The following IRF2 variants were observed in gnomAD, a reference collection of about 807,000 sequenced individuals.
IRF2 encodes interferon regulatory factor 2.
IRF2 carries 15 observed loss-of-function variants against 40.6 expected under a neutral mutation model. The observed-to-expected ratio is 0.37, with a 90% CI of 0.25 to 0.57. The LOEUF is 0.57. Among genes scored for constraint, IRF2 ranks in the 20% least tolerant of loss-of-function variants. The pLI is 0.77. For synonymous variants in IRF2, 151 were observed against 165.5 expected (o/e 0.91, Z 0.67); for missense variants, 317 against 455.7 (o/e 0.70, Z 2.77).
At chr4:184,418,091 T>C in intron 5 of IRF2, 76 bp downstream of exon 5, 2 of 1,089,834 alleles carry the variant, frequency 1.8e-6, no homozygotes, top group Non-Finnish European at 2.8e-6. Flanking sequence ...GTCCTGTGAC[T>C]CATCTTTACA....
Position 184,388,134 on chromosome 4 carries a change from G to A in IRF2, c.*624C>T, listed in dbSNP as rs1327437241. On this transcript the variant is annotated 3_prime_UTR_variant, in exon 9 of 9. Transcript: ENST00000393593. The surrounding 1 kb of genome is among the most constrained non-coding windows in gnomAD (Gnocchi z 4.6). ...GCAGTCTGAAAATGGGACATCTGTA[G>A]AGAAATTCATTTCCTTCTTCTCCTC... 2 of 152,324 alleles carry A rather than the reference G, an allele frequency of 1.3e-5. No homozygotes were observed. Among genetic ancestry groups the A allele is most frequent in the Non-Finnish European group, 2.9e-5 (2 of 67,974 alleles). 9.4% of individuals were successfully genotyped at this position (152,324 alleles called of 1,614,324 possible).
At chr4:184,417,205 T>A (rs919285404) in intron 5 of IRF2, among the ~76,000 whole-genome samples, 3 of 152,188 alleles carry the variant, frequency 2.0e-5, no homozygotes, top group Non-Finnish European at 4.4e-5. Context: ...TGATGGCCTA[T>A]GGGGTAAATT....
At chr4:184,472,976 G>A (rs1487348901) in intron 1 of IRF2, among the ~76,000 whole-genome samples, 1 of 152,190 alleles carries the variant, frequency 6.6e-6, no homozygotes, top group African/African-American at 2.4e-5. Flanking sequence ...GGCGCGTGCT[G>A]GGAGGGGCAT....
intron 1 of IRF2, among the ~76,000 whole-genome samples, chr4:184,462,673 A>G (rs71622962): frequency 0.038 from 5,758 of 152,338 alleles, 140 homozygotes; most frequent in African/African-American, 0.051. Context: ...TCAAAAGAAG[A>G]AACTGATAAT....
chr4:184,431,062 G>C (rs1737859569), intron 1 of IRF2, among the ~76,000 whole-genome samples: 1 of 152,194 alleles, frequency 6.6e-6, no homozygotes, highest in Non-Finnish European at 1.5e-5. Context: ...AACACTCACT[G>C]CCAGGCCCAG....
At position 184,448,952 on chromosome 4, in the gene IRF2, C is replaced by T. The variant is rs1233061482; in HGVS notation, c.-6-19882G>A. 2.0e-5 allele frequency: 3 copies of T among 152,300 alleles called. No homozygotes were observed. Among genetic ancestry groups the T allele is most frequent in the Non-Finnish European group, 4.4e-5 (3 of 68,088 alleles). The allele number at this position is 152,300 out of a possible 1,614,324, so 9.4% of individuals were successfully genotyped here. On this transcript the variant is annotated intron_variant, in intron 1 of 8. Transcript: ENST00000393593. This position sits in a 1 kb window ranked among gnomAD's most constrained non-coding sequence, Gnocchi z 4.3. The stretch of plus-strand genomic sequence containing the variant: ...GCAAGACGGAAGCCTGAACAACTGT[C>T]AGTTCCACTTGCTCGTACTTGGCTG...
chr4:184,399,234 T>C (rs1736581335), intron 6 of IRF2, among the ~76,000 whole-genome samples, 155 bp from the exon 7 acceptor site: 1 of 152,356 alleles, frequency 6.6e-6, no homozygotes. Context: ...CTGAGCTCTG[T>C]AGCTCTGGTG....
chr4:184,432,725 G>A (rs1044187841), intron 1 of IRF2, among the ~76,000 whole-genome samples: 19 of 152,202 alleles, frequency 1.2e-4, no homozygotes, highest in African/African-American at 4.3e-4. Flanking sequence ...AGAATGCCGC[G>A]TGAAGACACA....
intron 1 of IRF2, among the ~76,000 whole-genome samples, chr4:184,452,073 A>G (rs1738732600): frequency 6.6e-6 from 1 of 152,142 alleles, no homozygotes; most frequent in East Asian, 1.9e-4. Flanking sequence ...ATCCCTACAC[A>G]ATCTCTGTAA....
rs537643828 is a variant in IRF2 at position 184,415,932 on chromosome 4, C to T, written c.411+2235G>A. Among the ~76,000 whole-genome samples the T allele has an allele frequency of 1.1e-4, 16 of 152,354 alleles. No homozygotes were observed. The East Asian group carries it at 1.2e-3, about 11-fold the overall frequency. On this transcript the variant is annotated intron_variant, in intron 5 of 8. Coordinates refer to ENST00000393593, the MANE Select transcript of IRF2 (RefSeq NM_002199.4). Reference sequence around the variant, plus strand: ...TGGGAAAAGAGTAGTAAATACGATTCAGTCACACTTGAAATTGTAGCAAAT... The same window carrying T: ...TGGGAAAAGAGTAGTAAATACGATTTAGTCACACTTGAAATTGTAGCAAAT...
At chr4:184,451,776 C>G (rs1738722938) in intron 1 of IRF2, among the ~76,000 whole-genome samples, 1 of 152,136 alleles carries the variant, frequency 6.6e-6, no homozygotes, top group South Asian at 2.1e-4. Context: ...TCCCCCAGGC[C>G]CACAGATCAG....
intron 1 of IRF2, among the ~76,000 whole-genome samples, chr4:184,453,332 G>A (rs778917512): frequency 1.6e-4 from 25 of 152,176 alleles, no homozygotes; most frequent in Admixed American, 6.5e-4. Context: ...GCCCTGGGTC[G>A]CAGCATCTAG....
chr4:184,454,118 T>A (rs1049842072), intron 1 of IRF2, among the ~76,000 whole-genome samples: 1 of 152,196 alleles, frequency 6.6e-6, no homozygotes, highest in African/African-American at 2.4e-5. Flanking sequence ...AAGGGCACTA[T>A]CTTTTCCCCT....
intron 1 of IRF2, among the ~76,000 whole-genome samples, chr4:184,433,180 T>G (rs967806255): frequency 2.0e-5 from 3 of 152,194 alleles, no homozygotes; most frequent in South Asian, 4.1e-4. Context: ...AGGGAAGAGC[T>G]GAGTGTGAAA....
chr4:184,457,486 T>C (rs544762490), intron 1 of IRF2, among the ~76,000 whole-genome samples: 1 of 152,380 alleles, frequency 6.6e-6, no homozygotes, highest in South Asian at 2.1e-4. Context: ...CTTGGGTTTC[T>C]TACCTGAATT....
chr4:184,447,188 A>C (rs898527673), intron 1 of IRF2, among the ~76,000 whole-genome samples: 2 of 152,132 alleles, frequency 1.3e-5, no homozygotes, highest in Non-Finnish European at 2.9e-5. Context: ...TAAGCCTGGG[A>C]AAGGAAATAA....
chr4:184,394,335 A>G (rs1736368030), intron 7 of IRF2, among the ~76,000 whole-genome samples: 1 of 152,166 alleles, frequency 6.6e-6, no homozygotes, highest in Non-Finnish European at 1.5e-5. Flanking sequence ...GAGGATATAC[A>G]TATTGTCTAA....
intron 1 of IRF2, among the ~76,000 whole-genome samples, chr4:184,452,766 GTC>G (rs1738762186): frequency 5.5e-5 from 1 of 18,334 alleles, no homozygotes; most frequent in African/African-American, 2.0e-4. Context: ...GCAGGACCCT[GTC>G]TCAAAAAAAA....
chr4:184,388,737 C>A lies in IRF2; in HGVS notation c.*21G>T, dbSNP rs1409158061. 1 of 1,579,592 alleles carries A rather than the reference C, an allele frequency of 6.3e-7. No individual in the cohort carries two copies. The highest frequency in any genetic ancestry group is 1.2e-5 in the South Asian group (1 of 85,328). ...AAACAAAGCCAAGAAGCCCCAACAACCACCGCGGAGAGTCAGAGGCTTAAC... is the reference window on the plus strand; with the variant it reads ...AAACAAAGCCAAGAAGCCCCAACAAACACCGCGGAGAGTCAGAGGCTTAAC... On this transcript the variant is annotated 3_prime_UTR_variant, in exon 9 of 9. Transcript: ENST00000393593. This position sits in a 1 kb window ranked among gnomAD's most constrained non-coding sequence, Gnocchi z 4.6.
Sources: allele counts gnomAD v4.1 joint callset (sites outside exome capture counted in the v4.1 genomes callset), GRCh38; gene constraint gnomAD v4.1.1; non-coding constraint Gnocchi (gnomAD v3.1); transcripts MANE v1.5; gene names NCBI Gene and HGNC (gene_info 2026-07-23, HGNC 2026-07-21).